Variants in PLXDC2 observed in about 807,000 individuals in gnomAD.
PLXDC2 encodes the protein plexin domain-containing protein 2.
In PLXDC2, 40 loss-of-function variants were observed where a neutral mutation model predicts 68.9. That is an observed-to-expected ratio of 0.58 (90% CI 0.45 to 0.76). The LOEUF (loss-of-function observed/expected upper bound fraction) is 0.76. Among genes scored for constraint, PLXDC2 ranks in the 30% least tolerant of loss-of-function variants. The probability of loss-of-function intolerance (pLI) is 0.00; values close to 1 mark genes in which losing one functional copy is unlikely to be tolerated. For missense variants in PLXDC2, 644 were observed against 661.9 expected (o/e 0.97, Z 0.30); for synonymous variants, 243 against 234.2 (o/e 1.04, Z -0.34).
rs1837686284 is a variant in PLXDC2 at position 19,879,259 on chromosome 10, A to G, written c.112+62068A>G. On this transcript the variant is annotated intron_variant, in intron 1 of 13. Transcript: ENST00000377252. ...GAAGTGTAAGCCTGATTACATTAGA[A>G]ATATTTAGGCTCTGGTTAGATTTGA... Among the ~76,000 whole-genome samples, 6 of 152,200 alleles carry G rather than the reference A, an allele frequency of 3.9e-5. No homozygotes were observed. The South Asian group carries it at 1.2e-3, about 31-fold the overall frequency.
At chr10:20,222,431 T>A (rs769824842) in intron 12 of PLXDC2, among the ~76,000 whole-genome samples, 11 of 152,214 alleles carry the variant, frequency 7.2e-5, no homozygotes, top group Non-Finnish European at 1.0e-4. Flanking sequence ...TCACTCTTGA[T>A]GAATCTTCAA....
At chr10:19,897,227 C>CTT (rs558204823) in intron 1 of PLXDC2, among the ~76,000 whole-genome samples, 37 of 139,960 alleles carry the variant, frequency 2.6e-4, no homozygotes, top group African/African-American at 3.5e-4. Context: ...ATTCCCTTCT[C>CTT]TTTTTTTTTT....
intron 7 of PLXDC2, among the ~76,000 whole-genome samples, chr10:20,174,199 T>C (rs1834487131): frequency 6.6e-6 from 1 of 152,142 alleles, no homozygotes; most frequent in African/African-American, 2.4e-5. Flanking sequence ...TATTTATTTA[T>C]TGATAAGAAC....
intron 1 of PLXDC2, among the ~76,000 whole-genome samples, chr10:19,877,358 T>C (rs537196603): frequency 5.3e-4 from 80 of 152,316 alleles, no homozygotes; most frequent in African/African-American, 1.8e-3. Context: ...TCCAACTCCA[T>C]AGATTGTTCT....
At chr10:19,839,866 G>A (rs1341583386) in intron 1 of PLXDC2, among the ~76,000 whole-genome samples, 1 of 152,120 alleles carries the variant, frequency 6.6e-6, no homozygotes, top group African/African-American at 2.4e-5. Flanking sequence ...GATAACAAAG[G>A]TTGAAGGAAA....
rs10827997 is a variant in PLXDC2 at position 20,211,814 on chromosome 10, T to G, written c.1122+85T>G. ...ACTGTTAATAATTTTTATTCAAAAT[T>G]TATGCCCTAAAACTTAATGAAAGGA... On this transcript the variant is annotated intron_variant, in intron 10 of 13. Coordinates refer to ENST00000377252, the MANE Select transcript of PLXDC2 (RefSeq NM_032812.9). The G allele has an allele frequency of 0.27, 350,658 of 1,300,112 alleles. 51,622 individuals carry two copies. The highest frequency in any genetic ancestry group is 0.52 in the East Asian group (21,465 of 40,980). The allele number at this position is 1,300,112 out of a possible 1,614,324, so 80.5% of individuals were successfully genotyped here. A position where few individuals can be genotyped will look rare whatever the true frequency, so the allele number is the denominator to read the frequency against.
intron 2 of PLXDC2, among the ~76,000 whole-genome samples, chr10:20,038,969 ATTTTAC>A (rs1835628658): frequency 6.6e-6 from 1 of 152,008 alleles, no homozygotes; most frequent in Non-Finnish European, 1.5e-5. Context: ...TTTCTGTATG[ATTTTAC>A]TTCTGGCAAA....
intron 5 of PLXDC2, among the ~76,000 whole-genome samples, chr10:20,145,735 A>G (rs1285042947): frequency 6.6e-6 from 1 of 151,736 alleles, no homozygotes; most frequent in Non-Finnish European, 1.5e-5. Context: ...TATTTTTTTT[A>G]GTAGAGATGG....
intron 1 of PLXDC2, among the ~76,000 whole-genome samples, chr10:19,910,253 G>A (rs1240464427): frequency 3.3e-5 from 5 of 151,366 alleles, no homozygotes; most frequent in Non-Finnish European, 7.4e-5. Context: ...GAAATTAAAT[G>A]TTCATTGTCC....
At position 20,270,017 on chromosome 10, in the gene PLXDC2, AAAAATAAAAT is replaced by A. The variant is rs149243687; in HGVS notation, c.1474-9656_1474-9647del. On this transcript the variant is annotated intron_variant, in intron 13 of 13. Transcript: ENST00000377252. ...TAGGCAACAGAGACAGGCTCCATCA[AAAAATAAAAT>A]AAAATAAAATAAAATAAAATAAAAT... is the stretch of plus-strand genomic sequence containing the variant. Among the ~76,000 whole-genome samples, 185 of 146,314 alleles carry A rather than the reference AAAAATAAAAT, an allele frequency of 1.3e-3. 1 individual carries two copies. Among genetic ancestry groups the A allele is most frequent in the African/African-American group, 3.7e-3 (148 of 39,530 alleles).
intron 3 of PLXDC2, among the ~76,000 whole-genome samples, chr10:20,048,767 A>G (rs1256440900): frequency 6.6e-6 from 1 of 152,036 alleles, no homozygotes. Flanking sequence ...CCAAGGTAAG[A>G]CAGTTTGTGT....
At chr10:20,025,004 T>C (rs1210532438) in intron 2 of PLXDC2, among the ~76,000 whole-genome samples, 1 of 152,200 alleles carries the variant, frequency 6.6e-6, no homozygotes, top group Non-Finnish European at 1.5e-5. Context: ...GTCTTTGCTA[T>C]TGTGACTAGT....
At chr10:19,834,909 C>T (rs1836762893) in intron 1 of PLXDC2, among the ~76,000 whole-genome samples, 1 of 152,078 alleles carries the variant, frequency 6.6e-6, no homozygotes, top group Admixed American at 6.5e-5. Flanking sequence ...AGAGTGGGTG[C>T]ATTCACTATG....
Position 20,063,232 on chromosome 10 carries a change from C to T in PLXDC2, c.472-4938C>T, listed in dbSNP as rs563717702. On this transcript the variant is annotated intron_variant, in intron 3 of 13. Transcript: ENST00000377252. ...CTTTGCTATGGTAAACTCATGAGAT[C>T]AGCAATTATTAAAATCACGGTGACT... Among the ~76,000 whole-genome samples, 14 of 152,212 alleles carry T rather than the reference C, an allele frequency of 9.2e-5. No homozygotes were observed. The East Asian group carries it at 2.3e-3, about 25-fold the overall frequency.
At chr10:19,914,501 C>G (rs912278285) in intron 1 of PLXDC2, among the ~76,000 whole-genome samples, 2 of 152,180 alleles carry the variant, frequency 1.3e-5, no homozygotes, top group East Asian at 3.9e-4. Flanking sequence ...TGACCATTCA[C>G]GAGAAATAAA....
At chr10:20,013,248 G>C (rs1835148005) in intron 2 of PLXDC2, among the ~76,000 whole-genome samples, 2 of 151,920 alleles carry the variant, frequency 1.3e-5, no homozygotes, top group Admixed American at 1.3e-4. Flanking sequence ...TTCACAGTGT[G>C]GTTCCCATTT....
intron 4 of PLXDC2, among the ~76,000 whole-genome samples, chr10:20,081,697 G>A (rs1836561679): frequency 6.6e-6 from 1 of 152,060 alleles, no homozygotes; most frequent in Admixed American, 6.6e-5. Flanking sequence ...ACACCTCTCT[G>A]CAAAATACTC....
At chr10:20,122,554 C>T (rs1013177815) in intron 4 of PLXDC2, among the ~76,000 whole-genome samples, 8 of 152,184 alleles carry the variant, frequency 5.3e-5, no homozygotes, top group Non-Finnish European at 8.8e-5. Flanking sequence ...ACAGATGGGA[C>T]GCGGCTTAGG....
intron 2 of PLXDC2, among the ~76,000 whole-genome samples, chr10:20,026,534 C>T (rs12254394): frequency 0.11 from 16,562 of 152,018 alleles, 1,850 homozygotes; most frequent in African/African-American, 0.28. Flanking sequence ...GGATAAAGTA[C>T]GATGGATAAA....
Sources: allele counts gnomAD v4.1 joint callset (sites outside exome capture counted in the v4.1 genomes callset), GRCh38; gene constraint gnomAD v4.1.1; transcripts MANE v1.5; gene names NCBI Gene and HGNC (gene_info 2026-07-23, HGNC 2026-07-21).